The following LAMA3 variants were observed in gnomAD, a reference collection of about 807,000 sequenced individuals.
The protein encoded by LAMA3 is laminin subunit alpha 3.
In LAMA3, 281 loss-of-function variants were observed where a neutral mutation model predicts 402.0. The observed-to-expected ratio is 0.70, with a 90% CI of 0.63 to 0.77. LAMA3 has a LOEUF of 0.77. Among genes scored for constraint, LAMA3 ranks in the 30% least tolerant of loss-of-function variants. The probability of loss-of-function intolerance (pLI) is 0.00; values close to 1 mark genes in which losing one functional copy is unlikely to be tolerated. For synonymous variants in LAMA3, 1,431 were observed against 1,558.4 expected, an observed-to-expected ratio of 0.92 and a Z score of 1.93; for missense variants, 3,840 against 4,215.5, an observed-to-expected ratio of 0.91 and a Z score of 2.47.
intron 62 of LAMA3, among the ~76,000 whole-genome samples, chr18:23,924,930 C>T (rs2081961400): frequency 6.6e-6 from 1 of 152,162 alleles, no homozygotes; most frequent in Admixed American, 6.5e-5. Flanking sequence ...CCCTTCACTC[C>T]CTCTAAAGCA....
intron 39 of LAMA3, among the ~76,000 whole-genome samples, chr18:23,878,508 G>A (rs1276425420): frequency 1.3e-5 from 2 of 152,150 alleles, no homozygotes; most frequent in East Asian, 1.9e-4. Context: ...ACACACACAC[G>A]CACACACACA....
intron 54 of LAMA3, among the ~76,000 whole-genome samples, chr18:23,908,136 A>G (rs1213977284): frequency 1.3e-5 from 2 of 152,190 alleles, no homozygotes; most frequent in African/African-American, 4.8e-5. Context: ...AATTTTTAGA[A>G]AATACATTGA....
chr18:23,907,932 T>C lies in LAMA3; in HGVS notation c.7012T>C (p.Ser2338Pro), dbSNP rs2081304082. Residue 2338 changes from serine to proline, a missense_variant, in exon 54 of 75, where the codon TCG (serine) becomes CCG (proline). Transcript: ENST00000313654. ...FKKALTDADNSVNKLTNKLPD... is the reference protein window; with the variant it reads ...FKKALTDADNPVNKLTNKLPD... ...AAAGGCTCTGACTGATGCAGATAAC[T>C]CGGGTATCAGGCGATCTCTGGCCAG... The C allele has an allele frequency of 1.2e-6, 2 of 1,613,634 alleles. No homozygotes were observed. Among genetic ancestry groups the C allele is most frequent in the Non-Finnish European group, 1.7e-6 (2 of 1,179,932 alleles).
In LAMA3 at chr18:23,748,041, A is replaced by G; in HGVS notation, c.546A>G (p.Ser182=). 1 of 1,606,716 alleles carries G rather than the reference A, an allele frequency of 6.2e-7. No homozygotes were observed. Among genetic ancestry groups the G allele is most frequent in the Non-Finnish European group, 8.5e-7 (1 of 1,173,224 alleles). Residue 182 remains serine (S), a synonymous_variant, in exon 3 of 75, where the codon TCA becomes TCG. Coordinates refer to ENST00000313654, the MANE Select transcript of LAMA3 (RefSeq NM_198129.4). Reference sequence around the variant, plus strand: ...CTGTAGACTTTGGAAGCACCTACTCACCATGGCAATATTTTGCTCGTAAGT... The same window carrying G: ...CTGTAGACTTTGGAAGCACCTACTCGCCATGGCAATATTTTGCTCGTAAGT... ...ERSVDFGSTY[S]PWQYFAHSKV... is the part of the protein sequence containing the mutation.
At chr18:23,747,900 C>T (rs759433605) in intron 2 of LAMA3, 43 bp from the exon 3 acceptor site, 19 of 1,099,634 alleles carry the variant, frequency 1.7e-5, no homozygotes, top group African/African-American at 9.2e-5. Context: ...AGCTGTGAAT[C>T]GATGAGATGA....
chr18:23,691,054 C>T (rs2060578879), intron 1 of LAMA3, among the ~76,000 whole-genome samples: 1 of 152,086 alleles, frequency 6.6e-6, no homozygotes, highest in South Asian at 2.1e-4. Flanking sequence ...ATCCTGGACA[C>T]TAAGCCCAAA....
intron 1 of LAMA3, among the ~76,000 whole-genome samples, chr18:23,699,757 C>T (rs1484633514): frequency 1.3e-5 from 2 of 152,124 alleles, no homozygotes; most frequent in Admixed American, 6.5e-5. Context: ...CAGAGGCGTT[C>T]GAACTAGAGA....
At chr18:23,760,441 T>G (rs1275189219) in intron 7 of LAMA3, among the ~76,000 whole-genome samples, 1 of 152,188 alleles carries the variant, frequency 6.6e-6, no homozygotes, top group Non-Finnish European at 1.5e-5. Context: ...TAATTAAGTC[T>G]TCCTTCACAT....
At chr18:23,863,257 A>G (rs113333138) in intron 35 of LAMA3, among the ~76,000 whole-genome samples, 45 of 152,214 alleles carry the variant, frequency 3.0e-4, no homozygotes, top group Non-Finnish European at 1.6e-4. Flanking sequence ...CAGTCTGGCT[A>G]ACATGATGAA....
At chr18:23,772,064 C>T (rs894370827) in intron 8 of LAMA3, among the ~76,000 whole-genome samples, 19 of 137,816 alleles carry the variant, frequency 1.4e-4, no homozygotes, top group South Asian at 9.3e-4. Context: ...TTTTTTGAGA[C>T]GGAGTCTTGC....
chr18:23,930,131 G>A (rs2082120759), intron 64 of LAMA3, among the ~76,000 whole-genome samples: 1 of 152,162 alleles, frequency 6.6e-6, no homozygotes, highest in Admixed American at 6.5e-5. Flanking sequence ...ATCACATCTT[G>A]TTGAAAACTG....
chr18:23,807,826 C>G (rs939542454), intron 12 of LAMA3, among the ~76,000 whole-genome samples: 1 of 152,180 alleles, frequency 6.6e-6, no homozygotes, highest in African/African-American at 2.4e-5. Flanking sequence ...TAGTGTTTGA[C>G]CATTTGGCAA....
chr18:23,777,508 A>G (rs773747714), intron 10 of LAMA3, 49 bp from the exon 11 acceptor site: 3 of 1,264,502 alleles, frequency 2.4e-6, no homozygotes, highest in South Asian at 2.4e-5. Context: ...GTTTTACTTT[A>G]CTATCTCCTT....
chr18:23,914,609 A>T (rs1164584288), intron 57 of LAMA3, 48 bp downstream of exon 57: 1 of 1,610,626 alleles, frequency 6.2e-7, no homozygotes, highest in East Asian at 2.2e-5. Context: ...TTCCATGTAT[A>T]CATGTTGCTG....
chr18:23,950,927 C>G (rs2082886479), intron 72 of LAMA3, among the ~76,000 whole-genome samples: 2 of 152,128 alleles, frequency 1.3e-5, no homozygotes, highest in South Asian at 4.2e-4. Flanking sequence ...TACTGAGAGT[C>G]TCTGGGAGGG....
At position 23,879,826 on chromosome 18, in the gene LAMA3, T is replaced by C. The variant is rs566566702; in HGVS notation, c.5113-2110T>C. Among the ~76,000 whole-genome samples, 1 of 152,222 alleles carries C rather than the reference T, an allele frequency of 6.6e-6. No homozygotes were observed. The highest frequency in any genetic ancestry group is 2.1e-4 in the South Asian group (1 of 4,836). On this transcript the variant is annotated intron_variant, in intron 39 of 74. Coordinates refer to ENST00000313654, the MANE Select transcript of LAMA3 (RefSeq NM_198129.4). The surrounding 1 kb of genome is among the most constrained non-coding windows in gnomAD (Gnocchi z 4.2). ...CAACACGGGTTTTGACACTCTTCCT[T>C]GATCCTCTCCTCTCACCCCTGTGAA... is the stretch of plus-strand genomic sequence containing the variant.
intron 12 of LAMA3, among the ~76,000 whole-genome samples, chr18:23,803,918 T>C (rs1419170436): frequency 2.0e-5 from 3 of 152,216 alleles, no homozygotes; most frequent in Non-Finnish European, 4.4e-5. Context: ...AGTGTGGCGT[T>C]CTTTGCATAG....
Position 23,907,659 on chromosome 18 carries a change from A to G in LAMA3, c.6828A>G (p.Ile2276Met), listed in dbSNP as rs1209397935. 3 of 1,612,304 alleles carry G rather than the reference A, an allele frequency of 1.9e-6. No homozygotes were observed. Among genetic ancestry groups the G allele is most frequent in the African/African-American group, 2.7e-5 (2 of 75,026 alleles). Reference sequence around the variant, plus strand: ...CTCTCCGAGATGGTCTTCATGGGATACAGAGAGGTCAGCATCTTCCTAATC... The same window carrying G: ...CTCTCCGAGATGGTCTTCATGGGATGCAGAGAGGTCAGCATCTTCCTAATC... ...LTTLRDGLHGIQRGDIDAMIS... is the reference protein window; with the variant it reads ...LTTLRDGLHGMQRGDIDAMIS... Residue 2276 changes from isoleucine to methionine, a missense_variant, in exon 53 of 75, where the codon ATA (isoleucine) becomes ATG (methionine). Physicochemically the swap from Ile to Met is conservative, Grantham distance 10. Around this residue, in one of 3 missense-constraint regions of LAMA3, gnomAD observed 891 missense variants for 857.5 expected, o/e 1.04. Coordinates refer to ENST00000313654, the MANE Select transcript of LAMA3 (RefSeq NM_198129.4).
rs748927008 is a variant in LAMA3 at position 23,753,747 on chromosome 18, C to A, written c.882C>A (p.Ser294Arg). 1 of 1,613,756 alleles carries A rather than the reference C, an allele frequency of 6.2e-7. No individual in the cohort carries two copies. Among genetic ancestry groups the A allele is most frequent in the Non-Finnish European group, 8.5e-7 (1 of 1,179,674 alleles). Residue 294 changes from serine to arginine, a missense_variant, in exon 6 of 75, where the codon AGC (serine) becomes AGA (arginine). Ser to Arg is a moderately radical substitution (Grantham distance 110). Transcript: ENST00000313654. ...ATTATTACAGCATAAAGGACATCAG[C>A]ATTGGTGGGCAGTGTGTTTGCAATG... ...RRYYYSIKDI[S>R]IGGQCVCNGH... is the part of the protein sequence containing the mutation.
Sources: allele counts gnomAD v4.1 joint callset (sites outside exome capture counted in the v4.1 genomes callset), GRCh38; gene constraint gnomAD v4.1.1; regional missense constraint gnomAD v4.1.1; non-coding constraint Gnocchi (gnomAD v3.1); transcripts MANE v1.5; gene names NCBI Gene and HGNC (gene_info 2026-07-23, HGNC 2026-07-21).